Variants in KYAT1 observed in about 807,000 individuals in gnomAD.
KYAT1 encodes the protein kynurenine aminotransferase 1.
Under a neutral mutation model 52.4 loss-of-function variants are expected in KYAT1, and 47 were observed. The observed-to-expected ratio is 0.90, with a 90% confidence interval of 0.71 to 1.14. The LOEUF (loss-of-function observed/expected upper bound fraction) is 1.14, where lower values mean the gene tolerates loss of function less well. Ranked by LOEUF, KYAT1 falls within the 50% of genes most tolerant of loss-of-function variation. The probability of loss-of-function intolerance (pLI) is 0.00; values close to 1 mark genes in which losing one functional copy is unlikely to be tolerated. For missense variants in KYAT1, 480 were observed against 557.9 expected (o/e 0.86, Z 1.41); for synonymous variants, 212 against 209.6 (o/e 1.01, Z -0.10).
chr9:128,873,366 A>AC (rs1279995581), intron 1 of KYAT1, among the ~76,000 whole-genome samples: 1 of 150,606 alleles, frequency 6.6e-6, no homozygotes, highest in African/African-American at 2.5e-5. Flanking sequence ...AGAAAATGAA[A>AC]AAAAAAAAAA....
Position 128,835,508 on chromosome 9 carries a change from A to G in KYAT1, c.1015T>C (p.Phe339Leu), listed in dbSNP as rs765590390. 4 of 1,613,728 alleles carry G rather than the reference A, an allele frequency of 2.5e-6. No individual in the cohort carries two copies. Among genetic ancestry groups the G allele is most frequent in the East Asian group, 2.2e-5 (1 of 44,890 alleles). The change falls in exon 10 of 13, where the codon TTC becomes CTC. Residue 339 changes from phenylalanine (F) to leucine (L), a missense_variant. Phe to Leu is a conservative substitution (Grantham distance 22). Coordinates refer to ENST00000302586, the MANE Select transcript of KYAT1 (RefSeq NM_004059.5). Reference protein sequence around the residue: ...LKPIIPQGSYFLITDISDFKR... With the variant: ...LKPIIPQGSYLLITDISDFKR... ...AAGTCTGAGATGTCTGTGATGAGGA[A>G]GTAGCTGCCCTGAGGGATGATGGGC...
chr9:128,845,775 G>A (rs1003776085), intron 1 of KYAT1, among the ~76,000 whole-genome samples: 33 of 152,240 alleles, frequency 2.2e-4, no homozygotes, highest in African/African-American at 8.0e-4. Context: ...AGAGGAGCAG[G>A]AGGTGGGTGG....
In KYAT1 at chr9:128,863,866, AG is replaced by A. The variant is rs1835807580; in HGVS notation, c.-7+18030del. On this transcript the variant is annotated intron_variant, in intron 1 of 12. Coordinates refer to ENST00000302586, the MANE Select transcript of KYAT1 (RefSeq NM_004059.5). ...TTCACAGAGGAGGCCCAAAGCAGGG[AG>A]GGTGCTGCTCCAGGTTCCCGCATAA... is the stretch of plus-strand genomic sequence containing the variant. Among the ~76,000 whole-genome samples the A allele has an allele frequency of 2.6e-5, 4 of 152,248 alleles. No homozygotes were observed. The South Asian group carries it at 8.3e-4, about 32-fold the overall frequency.
At chr9:128,859,718 G>A (rs1255015484) in intron 1 of KYAT1, among the ~76,000 whole-genome samples, 4 of 151,094 alleles carry the variant, frequency 2.6e-5, no homozygotes, top group East Asian at 2.0e-4. Context: ...GCGCGATCTC[G>A]GCTCACTGCA....
chr9:128,860,748 A>C (rs1379003779), intron 1 of KYAT1, among the ~76,000 whole-genome samples: 1 of 151,986 alleles, frequency 6.6e-6, no homozygotes, highest in East Asian at 1.9e-4. Context: ...TTTTTAGTAG[A>C]GATGGGGTTT....
chr9:128,859,701 C>G (rs113595912), intron 1 of KYAT1, among the ~76,000 whole-genome samples: 1 of 150,620 alleles, frequency 6.6e-6, no homozygotes, highest in Non-Finnish European at 1.5e-5. Context: ...CAGGCTGGAG[C>G]GCAGTGGCGC....
chr9:128,837,941 T>A, intron 5 of KYAT1, 110 bp downstream of exon 5: 1 of 1,486,380 alleles, frequency 6.7e-7, no homozygotes. Context: ...CCTCCCAGCT[T>A]AGAGGAACTG....
intron 1 of KYAT1, among the ~76,000 whole-genome samples, chr9:128,848,132 C>A (rs983630145): frequency 1.3e-5 from 2 of 151,962 alleles, no homozygotes; most frequent in South Asian, 4.2e-4. Context: ...CCAGCCTGGG[C>A]AACATACTGA....
At chr9:128,835,054 G>A (rs987801161) in intron 11 of KYAT1, 8 of 440,130 alleles carry the variant, frequency 1.8e-5, no homozygotes, top group Admixed American at 7.6e-5. Context: ...GGAGAATGGC[G>A]TGAACCTGGG....
At chr9:128,879,182 T>C (rs1004784895) in intron 1 of KYAT1, among the ~76,000 whole-genome samples, 3 of 151,862 alleles carry the variant, frequency 2.0e-5, no homozygotes, top group Non-Finnish European at 2.9e-5. Flanking sequence ...TGGTGGCGGG[T>C]GCCTGTAGTC....
chr9:128,867,936 C>T (rs1381164546), intron 1 of KYAT1, among the ~76,000 whole-genome samples: 1 of 151,982 alleles, frequency 6.6e-6, no homozygotes, highest in African/African-American at 2.4e-5. Context: ...CCACGCCCAG[C>T]TAATTTTTTT....
chr9:128,859,344 G>A (rs1207864834), intron 1 of KYAT1, among the ~76,000 whole-genome samples: 1 of 151,470 alleles, frequency 6.6e-6, no homozygotes, highest in Non-Finnish European at 1.5e-5. Context: ...CTGGGCAACA[G>A]AGGGAGACTC....
intron 1 of KYAT1, among the ~76,000 whole-genome samples, chr9:128,856,715 G>A (rs972275013): frequency 8.5e-5 from 13 of 152,210 alleles, no homozygotes; most frequent in African/African-American, 2.9e-4. Flanking sequence ...AAAAGTCATC[G>A]CCATTCTCTA....
intron 1 of KYAT1, chr9:128,846,791 T>C: frequency 6.5e-7 from 1 of 1,535,544 alleles, no homozygotes; most frequent in Middle Eastern, 1.7e-4. Flanking sequence ...TCCGTTCCTG[T>C]GGGTTTGCCA....
At chr9:128,855,202 A>G (rs1834447833) in intron 1 of KYAT1, among the ~76,000 whole-genome samples, 1 of 152,186 alleles carries the variant, frequency 6.6e-6, no homozygotes, top group Admixed American at 6.5e-5. Flanking sequence ...AAAACCAATT[A>G]TATTATGGTT....
At chr9:128,879,600 T>G (rs1453496560) in intron 1 of KYAT1, among the ~76,000 whole-genome samples, 1 of 152,208 alleles carries the variant, frequency 6.6e-6, no homozygotes, top group Non-Finnish European at 1.5e-5. Context: ...TCCAATCCTG[T>G]TGGTCACCCT....
chr9:128,878,866 C>T (rs1048557967), intron 1 of KYAT1, among the ~76,000 whole-genome samples: 4 of 152,152 alleles, frequency 2.6e-5, no homozygotes, highest in Non-Finnish European at 4.4e-5. Context: ...CAGATAGCCT[C>T]GCGGGAGCCT....
intron 1 of KYAT1, among the ~76,000 whole-genome samples, chr9:128,850,220 G>A (rs527890792): frequency 3.9e-5 from 6 of 152,192 alleles, no homozygotes; most frequent in South Asian, 2.1e-4. Context: ...GACTTCAAGC[G>A]ATCCTCCTTC....
chr9:128,854,578 C>T (rs1834361312), intron 1 of KYAT1, among the ~76,000 whole-genome samples: 1 of 152,268 alleles, frequency 6.6e-6, no homozygotes, highest in African/African-American at 2.4e-5. Flanking sequence ...CTGAAAAAAG[C>T]CTAAAGTACA....
Sources: allele counts gnomAD v4.1 joint callset (sites outside exome capture counted in the v4.1 genomes callset), GRCh38; gene constraint gnomAD v4.1.1; transcripts MANE v1.5; gene names NCBI Gene and HGNC (gene_info 2026-07-23, HGNC 2026-07-21).